The following ZNF608 variants were observed in gnomAD, a reference collection of about 807,000 sequenced individuals.
ZNF608 encodes renal carcinoma antigen NY-REN-36.
A neutral mutation model predicts 109.0 loss-of-function variants in ZNF608; 12 were observed. The observed-to-expected ratio is 0.11, with a 90% confidence interval of 0.07 to 0.18. The LOEUF (loss-of-function observed/expected upper bound fraction) is 0.18. Ranked by LOEUF, ZNF608 falls within the 10% of genes least tolerant of loss-of-function variation. The pLI is 1.00. For missense variants in ZNF608, 1,707 were observed against 1,879.3 expected (o/e 0.91, Z 1.70); for synonymous variants, 732 against 717.4 (o/e 1.02, Z -0.33).
chr5:124,697,147 G>C (rs1486859526), intron 3 of ZNF608, among the ~76,000 whole-genome samples: 3 of 150,438 alleles, frequency 2.0e-5, no homozygotes, highest in African/African-American at 7.4e-5. Flanking sequence ...GAATGATAGA[G>C]TGGCAGAGCA....
At chr5:124,643,346 A>C (rs1014689817) in intron 7 of ZNF608, among the ~76,000 whole-genome samples, 165 bp downstream of exon 7, 1 of 152,204 alleles carries the variant, frequency 6.6e-6, no homozygotes, top group African/African-American at 2.4e-5. Flanking sequence ...CATGTGTGAA[A>C]GCGTCTTACT....
intron 2 of ZNF608, among the ~76,000 whole-genome samples, chr5:124,712,410 A>G (rs1303716603): frequency 6.6e-6 from 1 of 152,194 alleles, no homozygotes; most frequent in East Asian, 1.9e-4. Flanking sequence ...CCCCTGGCAG[A>G]AAGAAAGTAA....
At chr5:124,677,352 C>G (rs1561553420) in intron 3 of ZNF608, among the ~76,000 whole-genome samples, 4 of 152,184 alleles carry the variant, frequency 2.6e-5, no homozygotes, top group Admixed American at 1.3e-4. Flanking sequence ...CCCTGAGGAG[C>G]CATGGGAAAC....
Position 124,647,046 on chromosome 5 carries a change from C to T in ZNF608, c.3338G>A (p.Arg1113Lys). ...QQYEKYYEDQ[R>K]LAEQKMAQTG... ...CTGGGCCATTTTCTGCTCTGCCAGC[C>T]TCTGGTCCTCATAGTACTTCTCATA... Residue 1113 changes from arginine (R) to lysine (K), a missense_variant, in exon 5 of 10, where the codon AGG becomes AAG. This residue lies in a region of ZNF608 where 1,073 missense variants were observed against 1,133.5 expected (regional missense o/e 0.95). Coordinates refer to ENST00000513986, the MANE Select transcript of ZNF608 (RefSeq NM_020747.3). 7 of 1,613,994 alleles carry T rather than the reference C, an allele frequency of 4.3e-6. No individual in the cohort carries two copies. The highest frequency in any genetic ancestry group is 5.9e-6 in the Non-Finnish European group (7 of 1,179,948).
chr5:124,733,278 C>A (rs1580713067), intron 2 of ZNF608, among the ~76,000 whole-genome samples: 2 of 106,690 alleles, frequency 1.9e-5, no homozygotes, highest in Admixed American at 1.2e-4. Flanking sequence ...CTTCTAGGTT[C>A]TTCCATTATT....
At chr5:124,701,394 T>G in intron 2 of ZNF608, 125 bp from the exon 3 acceptor site, 2 of 1,293,880 alleles carry the variant, frequency 1.5e-6, no homozygotes, top group South Asian at 2.9e-5. Flanking sequence ...TAATATGCTT[T>G]GAGTGTTTTA....
chr5:124,660,831 C>G (rs1751228160), intron 3 of ZNF608, among the ~76,000 whole-genome samples: 1 of 152,182 alleles, frequency 6.6e-6, no homozygotes, highest in Admixed American at 6.5e-5. Context: ...AGGTCATAAG[C>G]TGAAGAATGG....
intron 5 of ZNF608, 71 bp downstream of exon 5, chr5:124,646,608 C>A: frequency 6.6e-7 from 1 of 1,512,234 alleles, no homozygotes; most frequent in Non-Finnish European, 8.8e-7. Context: ...CTAACCAGAT[C>A]AAGCCCAGAC....
At chr5:124,719,980 C>G (rs1397233510) in intron 2 of ZNF608, among the ~76,000 whole-genome samples, 2 of 152,302 alleles carry the variant, frequency 1.3e-5, no homozygotes, top group Non-Finnish European at 2.9e-5. Flanking sequence ...ATGACATACT[C>G]TCTTATGATC....
intron 2 of ZNF608, among the ~76,000 whole-genome samples, chr5:124,742,494 CA>C (rs1749455912): frequency 6.6e-6 from 1 of 152,126 alleles, no homozygotes; most frequent in Admixed American, 6.5e-5. Flanking sequence ...CTATTGGCAA[CA>C]AAAGTAAATG....
chr5:124,741,168 T>G (rs1749378367), intron 2 of ZNF608, among the ~76,000 whole-genome samples: 1 of 152,130 alleles, frequency 6.6e-6, no homozygotes, highest in Non-Finnish European at 1.5e-5. Flanking sequence ...TGTTCACGTA[T>G]TAAGGGAGTG....
chr5:124,745,295 T>G (rs1749600190), intron 1 of ZNF608, 123 bp from the exon 2 acceptor site: 2 of 815,826 alleles, frequency 2.5e-6, no homozygotes, highest in Admixed American at 4.3e-5. Flanking sequence ...GGCTCATGTA[T>G]TGTCCTCACA....
intron 3 of ZNF608, among the ~76,000 whole-genome samples, chr5:124,665,747 T>C (rs1475199730): frequency 1.3e-5 from 2 of 152,196 alleles, no homozygotes; most frequent in Non-Finnish European, 2.9e-5. Context: ...TCACCTGATG[T>C]AGAAGCTCTA....
At chr5:124,660,186 G>T (rs1245104649) in intron 3 of ZNF608, among the ~76,000 whole-genome samples, 1 of 146,792 alleles carries the variant, frequency 6.8e-6, no homozygotes, top group Non-Finnish European at 1.5e-5. Flanking sequence ...GTGTGTGTGT[G>T]TGTGTGTGAG....
At chr5:124,713,090 G>C (rs116708873) in intron 2 of ZNF608, among the ~76,000 whole-genome samples, 7 of 152,246 alleles carry the variant, frequency 4.6e-5, no homozygotes, top group Admixed American at 3.9e-4. Flanking sequence ...CCAGCATGAC[G>C]TCCAAGGCAC....
chr5:124,673,261 G>A (rs1263907597), intron 3 of ZNF608, among the ~76,000 whole-genome samples: 2 of 152,126 alleles, frequency 1.3e-5, no homozygotes, highest in African/African-American at 2.4e-5. Context: ...TCTCCTACAA[G>A]AGATTGGAAA....
intron 3 of ZNF608, among the ~76,000 whole-genome samples, chr5:124,697,603 A>G (rs562291185): frequency 6.6e-6 from 1 of 152,258 alleles, no homozygotes; most frequent in South Asian, 2.1e-4. Context: ...GAAACCCACT[A>G]ATTTTTTCCA....
intron 3 of ZNF608, among the ~76,000 whole-genome samples, chr5:124,699,928 T>C (rs1271236117): frequency 1.3e-5 from 2 of 152,198 alleles, no homozygotes; most frequent in Admixed American, 1.3e-4. Flanking sequence ...GTTTCGGCCC[T>C]CAGTTTTTCT....
In ZNF608 at chr5:124,647,627, C is replaced by A. The variant is rs1342406913; in HGVS notation, c.2757G>T (p.Leu919=). 6.2e-7 allele frequency: 1 copy of A among 1,614,130 alleles called. No homozygotes were observed. The highest frequency in any genetic ancestry group is 1.7e-5 in the Admixed American group (1 of 60,012). ...CTGCCCCATTCTGGGTCAACACATG[C>A]AGAGGTGCCATTGGTGCCTGCCCGT... ...LVNGQAPMAP[L]HVLTQNGAES... is the part of the protein sequence containing the mutation. The change falls in exon 5 of 10, where the codon CTG becomes CTT. Residue 919 remains leucine, a synonymous_variant. Transcript: ENST00000513986.
Sources: gnomAD v4.1 joint callset for allele counts (sites outside exome capture counted in the v4.1 genomes callset) on GRCh38, gnomAD v4.1.1 for gene constraint, gnomAD v4.1.1 regional missense constraint, MANE v1.5 for transcripts, NCBI Gene and HGNC (gene_info 2026-07-23, HGNC 2026-07-21) for gene names.